SYNDIG1: variants seen among roughly 807,000 people sequenced by gnomAD.
The protein encoded by SYNDIG1 is synapse differentiation-inducing gene protein 1.
SYNDIG1 carries 9 observed loss-of-function variants against 19.4 expected under a neutral mutation model. The observed-to-expected ratio is 0.46, with a 90% confidence interval of 0.28 to 0.81. The LOEUF (loss-of-function observed/expected upper bound fraction) is 0.81, where lower values mean the gene tolerates loss of function less well. Ranked by LOEUF, SYNDIG1 falls within the 30% of genes least tolerant of loss-of-function variation. The pLI is 0.12. For synonymous variants in SYNDIG1, 141 were observed against 145.9 expected, an observed-to-expected ratio of 0.97 and a Z score of 0.24; for missense variants, 311 against 343.3, an observed-to-expected ratio of 0.91 and a Z score of 0.74.
At chr20:24,636,182 TC>T (rs2059313418) in intron 3 of SYNDIG1, among the ~76,000 whole-genome samples, 1 of 152,202 alleles carries the variant, frequency 6.6e-6, no homozygotes, top group African/African-American at 2.4e-5. Context: ...ACTTCAATTT[TC>T]ATGAGAAAGC....
chr20:24,611,428 A>G (rs911507080), intron 3 of SYNDIG1, among the ~76,000 whole-genome samples: 1 of 152,132 alleles, frequency 6.6e-6, no homozygotes, highest in African/African-American at 2.4e-5. Context: ...TTCTCTGCAG[A>G]GCTCACTCAG....
intron 1 of SYNDIG1, among the ~76,000 whole-genome samples, chr20:24,536,559 C>T (rs1555793684): frequency 3.9e-5 from 6 of 152,132 alleles, no homozygotes; most frequent in Non-Finnish European, 7.3e-5. Flanking sequence ...TGTTAGAAAC[C>T]GGGTGTGCCC....
At chr20:24,608,144 A>G (rs1441625290) in intron 3 of SYNDIG1, among the ~76,000 whole-genome samples, 1 of 152,132 alleles carries the variant, frequency 6.6e-6, no homozygotes, top group Non-Finnish European at 1.5e-5. Flanking sequence ...GTATAAACCC[A>G]TGACAAATAA....
chr20:24,488,158 T>G (rs773553267), intron 1 of SYNDIG1, among the ~76,000 whole-genome samples: 1 of 147,740 alleles, frequency 6.8e-6, no homozygotes, highest in Non-Finnish European at 1.5e-5. Context: ...ACTCTATATT[T>G]ACACTCAACA....
At chr20:24,571,279 G>A (rs1383114478) in intron 2 of SYNDIG1, among the ~76,000 whole-genome samples, 1 of 152,142 alleles carries the variant, frequency 6.6e-6, no homozygotes, top group African/African-American at 2.4e-5. Flanking sequence ...ATACACTGGT[G>A]AAATCCGATT....
At chr20:24,497,486 C>T (rs1044361473) in intron 1 of SYNDIG1, among the ~76,000 whole-genome samples, 34 of 152,176 alleles carry the variant, frequency 2.2e-4, no homozygotes, top group Admixed American at 2.2e-3. Context: ...CAGGTGTGAG[C>T]CACTGTGCCT....
chr20:24,654,798 A>G (rs73347231), intron 3 of SYNDIG1, among the ~76,000 whole-genome samples: 3,097 of 152,266 alleles, frequency 0.02, 131 homozygotes, highest in African/African-American at 0.071. Context: ...GAGAAGGAGC[A>G]GCTGCAGCAG....
intron 1 of SYNDIG1, among the ~76,000 whole-genome samples, chr20:24,479,288 A>C (rs941913905): frequency 3.3e-5 from 5 of 152,066 alleles, no homozygotes; most frequent in East Asian, 1.9e-4. Context: ...CTTCTCCCCG[A>C]GCCCTCACCC....
chr20:24,662,015 C>T (rs1462204639), intron 3 of SYNDIG1, among the ~76,000 whole-genome samples: 1 of 152,090 alleles, frequency 6.6e-6, no homozygotes, highest in East Asian at 1.9e-4. Context: ...GAAGCCATGA[C>T]CAGCATGACC....
rs118097319 is a variant in SYNDIG1, at chr20:24,652,506, A to G, written c.619-12840A>G. Among the ~76,000 whole-genome samples, 57 of 152,316 alleles carry G rather than the reference A, an allele frequency of 3.7e-4. No homozygotes were observed. The East Asian group carries it at 0.011, about 28-fold the overall frequency. On this transcript the variant is annotated intron_variant, in intron 3 of 3. Coordinates refer to ENST00000376862, the MANE Select transcript of SYNDIG1 (RefSeq NM_024893.3). ...CTCTGGTCCAGCCCTCGGCCTGCTC[A>G]TGGTTGGCTGTGACTCCAGTAAGTT...
chr20:24,606,509 C>T (rs553958293), intron 3 of SYNDIG1, among the ~76,000 whole-genome samples: 2 of 152,110 alleles, frequency 1.3e-5, no homozygotes, highest in African/African-American at 4.8e-5. Flanking sequence ...AAGGTAAAAC[C>T]TTAGGTTATT....
intron 1 of SYNDIG1, among the ~76,000 whole-genome samples, chr20:24,540,376 T>G (rs2057445288): frequency 6.6e-6 from 1 of 152,232 alleles, no homozygotes; most frequent in Non-Finnish European, 1.5e-5. Context: ...TTTATTTCTT[T>G]TTCTTGCCTA....
chr20:24,622,886 AAAAC>A (rs145827739), intron 3 of SYNDIG1, among the ~76,000 whole-genome samples: 29,254 of 152,076 alleles, frequency 0.19, 3,717 homozygotes, highest in Admixed American at 0.35. Flanking sequence ...ACAAAAAACA[AAAAC>A]AAACCAACAA....
chr20:24,517,382 G>T (rs1446580100), intron 1 of SYNDIG1, among the ~76,000 whole-genome samples: 1 of 150,568 alleles, frequency 6.6e-6, no homozygotes, highest in Admixed American at 6.6e-5. Flanking sequence ...TTGGGAGGCC[G>T]AGGCGGGCAG....
At chr20:24,497,228 G>A (rs1047805595) in intron 1 of SYNDIG1, among the ~76,000 whole-genome samples, 3 of 151,982 alleles carry the variant, frequency 2.0e-5, no homozygotes, top group Non-Finnish European at 4.4e-5. Flanking sequence ...TTTGAGACAG[G>A]GTCTCTCTGT....
At chr20:24,581,904 T>TTCACATCC (rs1431059903) in intron 2 of SYNDIG1, among the ~76,000 whole-genome samples, 1 of 149,236 alleles carries the variant, frequency 6.7e-6, no homozygotes, top group East Asian at 2.0e-4. Flanking sequence ...GCCTCCTCCC[T>TTCACATCC]TCACATCCTC....
At chr20:24,549,890 C>T (rs2057670841) in intron 2 of SYNDIG1, among the ~76,000 whole-genome samples, 1 of 152,184 alleles carries the variant, frequency 6.6e-6, no homozygotes, top group African/African-American at 2.4e-5. Context: ...CTGGACTCCT[C>T]TCTGACCATC....
At chr20:24,537,584 A>G (rs1406598625) in intron 1 of SYNDIG1, among the ~76,000 whole-genome samples, 2 of 151,968 alleles carry the variant, frequency 1.3e-5, no homozygotes, top group African/African-American at 2.4e-5. Flanking sequence ...TCGGTATGGT[A>G]TACACTCCTC....
chr20:24,525,163 C>T (rs1183022143), intron 1 of SYNDIG1, among the ~76,000 whole-genome samples: 1 of 151,570 alleles, frequency 6.6e-6, no homozygotes, highest in East Asian at 1.9e-4. Context: ...GAAAGCATTT[C>T]TTTTCCTTCG....
Sources: allele counts gnomAD v4.1 joint callset (sites outside exome capture counted in the v4.1 genomes callset), GRCh38; gene constraint gnomAD v4.1.1; transcripts MANE v1.5; gene names NCBI Gene and HGNC (gene_info 2026-07-23, HGNC 2026-07-21).